KMT2D: variants seen among roughly 807,000 people sequenced by gnomAD.
KMT2D encodes the protein lysine methyltransferase 2D.
In KMT2D, 55 loss-of-function variants were observed where a neutral mutation model predicts 512.7. That is an observed-to-expected ratio of 0.11 (90% CI 0.09 to 0.13). The LOEUF (loss-of-function observed/expected upper bound fraction) is 0.13, where lower values mean the gene tolerates loss of function less well. Ranked by LOEUF, KMT2D falls within the 10% of genes least tolerant of loss-of-function variation. KMT2D has a pLI of 1.00. For missense variants in KMT2D, 6,061 were observed against 7,127.9 expected (o/e 0.85, Z 5.39); for synonymous variants, 2,995 against 2,904.0 (o/e 1.03, Z -1.01).
Position 49,054,698 on chromosome 12 carries a change from T to C in KMT2D, c.230A>G (p.His77Arg), listed in dbSNP as rs747186162. 1 of 1,613,376 alleles carries C rather than the reference T, an allele frequency of 6.2e-7. No individual in the cohort carries two copies. The highest frequency in any genetic ancestry group is 8.5e-7 in the Non-Finnish European group (1 of 1,179,570). ...AAAGCGCCGTAGCTCCCGCTGCCCGTGTAGACTGGGCTCCCCGCAGTTACA... is the reference window on the plus strand; with the variant it reads ...AAAGCGCCGTAGCTCCCGCTGCCCGCGTAGACTGGGCTCCCCGCAGTTACA... ...ALCNCGEPSL[H>R]GQRELRRFEL... The change falls in exon 4 of 55, where the codon CAC becomes CGC. Residue 77 changes from histidine to arginine, a missense_variant. This residue lies in a region of KMT2D where 144 missense variants were observed against 165.7 expected (regional missense o/e 0.87). Coordinates refer to ENST00000301067, the MANE Select transcript of KMT2D (RefSeq NM_003482.4). This position sits in a 1 kb window ranked among gnomAD's most constrained non-coding sequence, Gnocchi z 6.4.
chr12:49,060,745 G>C lies in KMT2D; in HGVS notation c.-1170C>G, dbSNP rs982579951. ...TTTGCCCGGGGCACCCCACTCGAGAGGGGGAGAAAGGAGAAGAGGCGGCCC... is the reference window on the plus strand; with the variant it reads ...TTTGCCCGGGGCACCCCACTCGAGACGGGGAGAAAGGAGAAGAGGCGGCCC... On this transcript the variant is annotated 5_prime_UTR_variant, in exon 1 of 55. Transcript: ENST00000301067. 2.6e-5 allele frequency among the ~76,000 whole-genome samples: 4 copies of C among 152,260 alleles called. No individual in the cohort carries two copies. The highest frequency in any genetic ancestry group is 5.9e-5 in the Non-Finnish European group (4 of 68,048).
chr12:49,045,781 C>T lies in KMT2D; in HGVS notation c.4741+139G>A, dbSNP rs1390597733. 3 of 767,942 alleles carry T rather than the reference C, an allele frequency of 3.9e-6. No individual in the cohort carries two copies. The African/African-American group carries it at 5.2e-5, about 13-fold the overall frequency. The allele number at this position is 767,942 out of a possible 1,614,324, so 47.6% of individuals were successfully genotyped here. A position where few individuals can be genotyped will look rare whatever the true frequency, so the allele number is the denominator to read the frequency against. ...ACTTTGCCACTAACTTACTAGGTGACCTTGGGCAGGCCACTTAACTTCTCT... is the reference window on the plus strand; with the variant it reads ...ACTTTGCCACTAACTTACTAGGTGATCTTGGGCAGGCCACTTAACTTCTCT... On this transcript the variant is annotated intron_variant, in intron 19 of 54. Coordinates refer to ENST00000301067, the MANE Select transcript of KMT2D (RefSeq NM_003482.4).
intron 48 of KMT2D, 54 bp from the exon 49 acceptor site, chr12:49,027,376 C>T: frequency 2.8e-6 from 4 of 1,405,028 alleles, no homozygotes; most frequent in Non-Finnish European, 3.8e-6. Context: ...AACTAGCTCC[C>T]TCCTTCCCCT....
chr12:49,045,852 G>C (rs1325016016), intron 19 of KMT2D, 68 bp downstream of exon 19: 4 of 1,284,924 alleles, frequency 3.1e-6, no homozygotes, highest in African/African-American at 1.5e-5. Context: ...AAGCTAGGGG[G>C]TTGGAGCTAG....
rs1565775775 is a variant in KMT2D at position 49,032,578 on chromosome 12, T to TAC, written c.12126_12127insGT (p.Thr4043ValfsTer8). On this transcript the variant is annotated frameshift_variant, in exon 40 of 55. Transcript: ENST00000301067. LOFTEE classifies it high-confidence loss of function. Reference sequence around the variant, plus strand: ...ATTGCTAACGGCCCTCCCTGATGTGTAGAGGGCCCCTCAGTGGCCTCTGAA... The same window carrying TAC: ...ATTGCTAACGGCCCTCCCTGATGTGTACAGAGGGCCCCTCAGTGGCCTCTGAA... The TAC allele has an allele frequency of 6.2e-7, 1 of 1,613,794 alleles. No homozygotes were observed. Among genetic ancestry groups the TAC allele is most frequent in the South Asian group, 1.1e-5 (1 of 91,006 alleles).
At position 49,022,094 on chromosome 12, in the gene KMT2D, T is replaced by C. The variant is rs747305589; in HGVS notation, c.16470A>G (p.Lys5490=). The change falls in exon 54 of 55, where the codon AAA becomes AAG. Residue 5490 remains lysine (K), a synonymous_variant. Transcript: ENST00000301067. The surrounding 1 kb of genome is among the most constrained non-coding windows in gnomAD (Gnocchi z 8.6). ...NCVAEVVTFD[K]EDKIIIISSR... is the part of the protein sequence containing the mutation. ...TGGAGATGATGATGATTTTGTCCTC[T>C]TTGTCAAATGTCACGACTTCGGCCA... The C allele has an allele frequency of 1.9e-6, 3 of 1,613,854 alleles. No individual in the cohort carries two copies. Among genetic ancestry groups the C allele is most frequent in the Admixed American group, 1.7e-5 (1 of 60,000 alleles).
Position 49,060,595 on chromosome 12 carries a change from TC to T in KMT2D, c.-1021del, listed in dbSNP as rs778638499. On this transcript the variant is annotated 5_prime_UTR_variant, in exon 1 of 55. Coordinates refer to ENST00000301067, the MANE Select transcript of KMT2D (RefSeq NM_003482.4). ...TAGTGCAGCGCGGCGCCGCTCCGCC[TC>T]CCCCCCTCCGCCTCCTGTTCGGCCG... Among the ~76,000 whole-genome samples, 181 of 151,842 alleles carry T rather than the reference TC, an allele frequency of 1.2e-3. No homozygotes were observed. Among genetic ancestry groups the T allele is most frequent in the Admixed American group, 2.3e-3 (35 of 15,270 alleles).
chr12:49,041,796 G>A lies in KMT2D; in HGVS notation c.6184-91C>T. 7 of 1,530,896 alleles carry A rather than the reference G, an allele frequency of 4.6e-6. No homozygotes were observed. Among genetic ancestry groups the A allele is most frequent in the Non-Finnish European group, 6.2e-6 (7 of 1,125,172 alleles). 94.8% of individuals were successfully genotyped at this position (1,530,896 alleles called of 1,614,324 possible). ...GTGTTTTCACACTCCCTACCCAGAA[G>A]CAGATCCCTTCTGGCCCAGCTGCTT... On this transcript the variant is annotated intron_variant, in intron 30 of 54. Coordinates refer to ENST00000301067, the MANE Select transcript of KMT2D (RefSeq NM_003482.4). This position sits in a 1 kb window ranked among gnomAD's most constrained non-coding sequence, Gnocchi z 5.4.
Position 49,042,485 on chromosome 12 carries a change from G to T in KMT2D, c.5867+76C>A. 2 of 1,550,866 alleles carry T rather than the reference G, an allele frequency of 1.3e-6. No individual in the cohort carries two copies. Among genetic ancestry groups the T allele is most frequent in the East Asian group, 2.3e-5 (1 of 42,760 alleles). On this transcript the variant is annotated intron_variant, in intron 28 of 54. Transcript: ENST00000301067. This position sits in a 1 kb window ranked among gnomAD's most constrained non-coding sequence, Gnocchi z 4.4. ...CAGGGGAAGTGCTGCAGGAGTCCGA[G>T]GGAGGCAAAGCATGAACTCAGATGG...
At position 49,052,964 on chromosome 12, in the gene KMT2D, C is replaced by T. The variant is rs2120692125; in HGVS notation, c.1063G>A (p.Gly355Ser). The T allele has an allele frequency of 6.2e-7, 1 of 1,614,030 alleles. No homozygotes were observed. Among genetic ancestry groups the T allele is most frequent in the Non-Finnish European group, 8.5e-7 (1 of 1,179,874 alleles). ...TCAGCAACGGAGCGGATAGTCTGAC[C>T]TCCCTGGGCTTTGTGACAGCGGTGA... ...LCHRCHKAQG[G>S]QTIRSVAEQH... The change falls in exon 9 of 55, where the codon GGT becomes AGT. Residue 355 changes from glycine to serine, a missense_variant. By Grantham distance (56) the Gly-to-Ser change is moderately conservative (BLOSUM62 0). Around this residue, in one of 16 missense-constraint regions of KMT2D, gnomAD observed 848 missense variants for 838.5 expected, o/e 1.01. Coordinates refer to ENST00000301067, the MANE Select transcript of KMT2D (RefSeq NM_003482.4).
chr12:49,029,553 C>A (rs1347162602), intron 43 of KMT2D, 77 bp from the exon 44 acceptor site: 1 of 1,077,260 alleles, frequency 9.3e-7, no homozygotes, highest in Admixed American at 2.1e-5. Context: ...ATATTTTAGG[C>A]CTAATTAGCA....
rs1024592750 is a variant in KMT2D, at chr12:49,046,942, T to G, written c.4237-152A>C. Among the ~76,000 whole-genome samples the G allele has an allele frequency of 1.3e-5, 2 of 152,050 alleles. No homozygotes were observed. On this transcript the variant is annotated intron_variant, in intron 15 of 54. Transcript: ENST00000301067. This position sits in a 1 kb window ranked among gnomAD's most constrained non-coding sequence, Gnocchi z 4.2. ...CTCACTGCAACCTCTGCCTCTCAGGTACAAGTGATTCTCTTGTCTCAGCCT... is the reference window on the plus strand; with the variant it reads ...CTCACTGCAACCTCTGCCTCTCAGGGACAAGTGATTCTCTTGTCTCAGCCT...
rs2120547397 is a variant in KMT2D at position 49,041,466 on chromosome 12, G to A, written c.6304C>T (p.Leu2102=). ...DIARKTDRPA[L]HLRIPPQPGA... The stretch of plus-strand genomic sequence containing the variant: ...GGCTGCGGGGGAATGCGGAGATGTA[G>A]GGCCGGTCGGTCAGTCTTACGGGCT... The change falls in exon 32 of 55, where the codon CTA becomes TTA. Residue 2102 remains leucine, a synonymous_variant. Transcript: ENST00000301067. The surrounding 1 kb of genome is among the most constrained non-coding windows in gnomAD (Gnocchi z 5.4). 6.2e-7 allele frequency: 1 copy of A among 1,613,448 alleles called. No individual in the cohort carries two copies.
chr12:49,032,943 T>A lies in KMT2D; in HGVS notation c.11762A>T (p.Gln3921Leu), dbSNP rs1180973249. Residue 3921 changes from glutamine (Q) to leucine (L), a missense_variant, in exon 40 of 55, where the codon CAA (glutamine) becomes CTA (leucine). Around this residue, in one of 16 missense-constraint regions of KMT2D, gnomAD observed 1,600 missense variants for 1,754.9 expected, o/e 0.91. Coordinates refer to ENST00000301067, the MANE Select transcript of KMT2D (RefSeq NM_003482.4). ...QLQQQQQQQL[Q>L]QQQQLQQQQL... is the part of the protein sequence containing the mutation. ...TTGCTGCTGAAGTTGCTGTTGCTGT[T>A]GTAGCTGCTGCTGCTGCTGCTGCTG... 2 of 1,550,538 alleles carry A rather than the reference T, an allele frequency of 1.3e-6. No homozygotes were observed. The highest frequency in any genetic ancestry group is 1.7e-6 in the Non-Finnish European group (2 of 1,146,870).
rs776835202 is a variant in KMT2D at position 49,040,597 on chromosome 12, G to C, written c.7173C>G (p.Pro2391=). Residue 2391 remains proline, a synonymous_variant, in exon 32 of 55, where the codon CCC becomes CCG. Coordinates refer to ENST00000301067, the MANE Select transcript of KMT2D (RefSeq NM_003482.4). ...GGGGCAGAGCACAGCAGCTCTCAGG[G>C]GGCGGAGGTTGGGGCCGAGGAGTCA... ...PPLTPRPQPP[P]PESCCALPPR... is the part of the protein sequence containing the mutation. 2 of 1,613,556 alleles carry C rather than the reference G, an allele frequency of 1.2e-6. No homozygotes were observed. The highest frequency in any genetic ancestry group is 1.7e-6 in the Non-Finnish European group (2 of 1,179,726).
chr12:49,039,637 G>C lies in KMT2D; in HGVS notation c.8047-20C>G, dbSNP rs2120513921. 1 of 1,604,828 alleles carries C rather than the reference G, an allele frequency of 6.2e-7. No individual in the cohort carries two copies. Among genetic ancestry groups the C allele is most frequent in the East Asian group, 2.2e-5 (1 of 44,798 alleles). On this transcript the variant is annotated intron_variant, in intron 32 of 54. Transcript: ENST00000301067. The surrounding 1 kb of genome is among the most constrained non-coding windows in gnomAD (Gnocchi z 5.0). ...CTGGCGCTATGCAAAAAAAAGAGAA[G>C]AGGAATAAGCCCATTCTACTCCAAT...
rs1210163398 is a variant in KMT2D at position 49,037,783 on chromosome 12, T to C, written c.9573A>G (p.Pro3191=). 4 of 1,596,132 alleles carry C rather than the reference T, an allele frequency of 2.5e-6. No homozygotes were observed. Among genetic ancestry groups the C allele is most frequent in the South Asian group, 1.1e-5 (1 of 88,154 alleles). ...GGCTGGGGGTCAGCAGGTGAGCTGG[T>C]GGTCCTCCCGTGGCCCCAAAGGAGG... The part of the protein sequence containing the change: ...EKASFGATGG[P]PAHLLTPSPL... The change falls in exon 35 of 55, where the codon CCA becomes CCG. Residue 3191 remains proline, a synonymous_variant. Coordinates refer to ENST00000301067, the MANE Select transcript of KMT2D (RefSeq NM_003482.4).
chr12:49,022,399 G>C lies in KMT2D; in HGVS notation c.16339-46C>G, dbSNP rs768298526. 6.4e-7 allele frequency: 1 copy of C among 1,563,358 alleles called. No individual in the cohort carries two copies. Among genetic ancestry groups the C allele is most frequent in the Admixed American group, 1.8e-5 (1 of 56,714 alleles). ...GAAGAAGGGACAAGAGTATCAGAGA[G>C]TGGCAGTGGTGGCTGTGGGATCAGG... is the stretch of plus-strand genomic sequence containing the variant. On this transcript the variant is annotated intron_variant, in intron 52 of 54. Coordinates refer to ENST00000301067, the MANE Select transcript of KMT2D (RefSeq NM_003482.4). This position sits in a 1 kb window ranked among gnomAD's most constrained non-coding sequence, Gnocchi z 8.6.
Position 49,021,581 on chromosome 12 carries a change from G to T in KMT2D, c.*199C>A, listed in dbSNP as rs1942330682. 1.8e-6 allele frequency: 1 copy of T among 563,434 alleles called. No individual in the cohort carries two copies. The highest frequency in any genetic ancestry group is 1.9e-5 in the African/African-American group (1 of 53,088). The allele number at this position is 563,434 out of a possible 1,614,324, so 34.9% of individuals were successfully genotyped here. A position where few individuals can be genotyped will look rare whatever the true frequency, so the allele number is the denominator to read the frequency against. On this transcript the variant is annotated 3_prime_UTR_variant, in exon 55 of 55. Coordinates refer to ENST00000301067, the MANE Select transcript of KMT2D (RefSeq NM_003482.4). The stretch of plus-strand genomic sequence containing the variant: ...ATGCCAGCCTGAGGGCCGGTGGTGG[G>T]GAAGAGGATTGTCCCTGGTGCCCAG...
Sources: gnomAD v4.1 joint callset for allele counts (sites outside exome capture counted in the v4.1 genomes callset) on GRCh38, gnomAD v4.1.1 for gene constraint, gnomAD v4.1.1 regional missense constraint, Gnocchi (gnomAD v3.1) non-coding constraint, MANE v1.5 for transcripts, NCBI Gene and HGNC (gene_info 2026-07-23, HGNC 2026-07-21) for gene names.